The following STK11IP variants were observed in gnomAD, a reference collection of about 807,000 sequenced individuals.
STK11IP encodes serine/threonine-protein kinase 11-interacting protein.
In STK11IP, 103 loss-of-function variants were observed where a neutral mutation model predicts 131.7. The observed-to-expected ratio is 0.78, with a 90% confidence interval of 0.67 to 0.92. The LOEUF is 0.92. Ranked by LOEUF, STK11IP falls within the 40% of genes least tolerant of loss-of-function variation. The pLI, the probability that STK11IP is intolerant of heterozygous loss-of-function variation, is 0.00. For synonymous variants in STK11IP, 557 were observed against 575.6 expected (o/e 0.97, Z 0.46); for missense variants, 1,315 against 1,385.7 (o/e 0.95, Z 0.81).
At position 219,606,514 on chromosome 2, in the gene STK11IP, T is replaced by C; in HGVS notation, c.984T>C (p.Phe328=). Residue 328 remains phenylalanine, a synonymous_variant, in exon 11 of 25, where the codon TTT becomes TTC. Coordinates refer to ENST00000456909, the MANE Select transcript of STK11IP (RefSeq NM_052902.4). Reference sequence around the variant, plus strand: ...GCAAGGTCTTGTCACTGACAGATTTTCAGGTCGGTGTGGTTGGGGGGCGAG... The same window carrying C: ...GCAAGGTCTTGTCACTGACAGATTTCCAGGTCGGTGTGGTTGGGGGGCGAG... ...LDGKVLSLTD[F]QTHTSLGLSP... is the part of the protein sequence containing the mutation. 6 of 1,612,858 alleles carry C rather than the reference T, an allele frequency of 3.7e-6. No homozygotes were observed. Among genetic ancestry groups the C allele is most frequent in the Non-Finnish European group, 5.1e-6 (6 of 1,179,376 alleles).
At position 219,608,325 on chromosome 2, in the gene STK11IP, G is replaced by C. The variant is rs1559182415; in HGVS notation, c.1498G>C (p.Glu500Gln). The C allele has an allele frequency of 6.2e-7, 1 of 1,601,656 alleles. No homozygotes were observed. The highest frequency in any genetic ancestry group is 8.5e-7 in the Non-Finnish European group (1 of 1,174,226). The change falls in exon 14 of 25, where the codon GAG becomes CAG. Residue 500 changes from glutamate to glutamine, a missense_variant. By Grantham distance (29) the Glu-to-Gln change is conservative (BLOSUM62 2). Transcript: ENST00000456909. ...VRAEPQEEEE[E>Q]KEGKEEKEEG... Reference sequence around the variant, plus strand: ...GGCGGAGCCACAGGAGGAGGAAGAGGAGAAGGAGGGGAAGGAGGAGAAGGA... The same window carrying C: ...GGCGGAGCCACAGGAGGAGGAAGAGCAGAAGGAGGGGAAGGAGGAGAAGGA...
rs370263590 is a variant in STK11IP, at chr2:219,602,700, C to G, written c.547-5C>G. On this transcript the variant is annotated splice_region_variant and splice_polypyrimidine_tract_variant and intron_variant, in intron 6 of 24. Transcript: ENST00000456909. ...GATTCTCTGCCTCCTCCCCGTCTCT[C>G]TCAGCGCCTCTTGTCAGCTCTGCGT... 4.3e-6 allele frequency: 7 copies of G among 1,613,444 alleles called. No homozygotes were observed. The highest frequency in any genetic ancestry group is 5.9e-6 in the Non-Finnish European group (7 of 1,179,716).
At chr2:219,598,344 C>G in intron 2 of STK11IP, 164 bp downstream of exon 2, 1 of 550,630 alleles carries the variant, frequency 1.8e-6, no homozygotes, top group African/African-American at 2.0e-5. Flanking sequence ...CTTACAGTGT[C>G]CTTTGCCTGT....
At position 219,602,683 on chromosome 2, in the gene STK11IP, G is replaced by GCCTCCT. The variant is rs1455514242; in HGVS notation, c.547-19_547-14dup. The stretch of plus-strand genomic sequence containing the variant: ...GTATTGTAGTGAACATCGATTCTCT[G>GCCTCCT]CCTCCTCCCCGTCTCTCTCAGCGCC... On this transcript the variant is annotated intron_variant, in intron 6 of 24. Coordinates refer to ENST00000456909, the MANE Select transcript of STK11IP (RefSeq NM_052902.4). 2.5e-6 allele frequency: 4 copies of GCCTCCT among 1,613,496 alleles called. No individual in the cohort carries two copies. In the South Asian group the frequency reaches 4.4e-5, roughly 18 times the overall value.
At chr2:219,610,521 GCCTC>G (rs1698361052) in intron 17 of STK11IP, among the ~76,000 whole-genome samples, 1 of 152,006 alleles carries the variant, frequency 6.6e-6, no homozygotes, top group Non-Finnish European at 1.5e-5. Context: ...TCCTGCCTCA[GCCTC>G]GCAAGTAGCT....
intron 23 of STK11IP, 85 bp downstream of exon 23, chr2:219,614,631 G>T (rs781296736): frequency 7.3e-7 from 1 of 1,369,724 alleles, no homozygotes; most frequent in South Asian, 1.2e-5. Flanking sequence ...CACCTGTACA[G>T]TGCCCTTGCA....
intron 13 of STK11IP, among the ~76,000 whole-genome samples, chr2:219,607,483 G>A (rs1698230938): frequency 6.6e-6 from 1 of 151,730 alleles, no homozygotes; most frequent in Non-Finnish European, 1.5e-5. Context: ...ATAGAGAGAT[G>A]TCCATTTCTA....
In STK11IP at chr2:219,611,944, A is replaced by G. The variant is rs1450733639; in HGVS notation, c.2336-11A>G. On this transcript the variant is annotated splice_polypyrimidine_tract_variant and intron_variant, in intron 18 of 24. Coordinates refer to ENST00000456909, the MANE Select transcript of STK11IP (RefSeq NM_052902.4). The stretch of plus-strand genomic sequence containing the variant: ...GCCATGGGCAGGCTGATGCCCCCTC[A>G]TTGCCCTCAGCCCCTGAGCGCTGTG... The G allele has an allele frequency of 6.3e-7, 1 of 1,586,060 alleles. No individual in the cohort carries two copies. The highest frequency in any genetic ancestry group is 8.6e-7 in the Non-Finnish European group (1 of 1,166,632).
rs781655224 is a variant in STK11IP, at chr2:219,614,547, G to T, written c.2869+1G>T. The T allele has an allele frequency of 3.1e-6, 5 of 1,613,696 alleles. No homozygotes were observed. The African/African-American group carries it at 6.7e-5, about 22-fold the overall frequency. Reference sequence around the variant, plus strand: ...TACCTTCGGGCGTTCCTGGTTGAAGGTGAAGCCTCTGTGCAGCTGATGCTT... The same window carrying T: ...TACCTTCGGGCGTTCCTGGTTGAAGTTGAAGCCTCTGTGCAGCTGATGCTT... On this transcript the variant is annotated splice_donor_variant, in intron 23 of 24. Coordinates refer to ENST00000456909, the MANE Select transcript of STK11IP (RefSeq NM_052902.4). LOFTEE classifies it high-confidence loss of function.
Position 219,616,318 on chromosome 2 carries a change from G to A in STK11IP, c.*125G>A. ...CTTCAGCCTCTGGGTGCTGGCCAGT[G>A]AGGTCCCAAATGACCCAGGGCTTAA... On this transcript the variant is annotated 3_prime_UTR_variant, in exon 25 of 25. Coordinates refer to ENST00000456909, the MANE Select transcript of STK11IP (RefSeq NM_052902.4). 1.5e-6 allele frequency: 2 copies of A among 1,313,164 alleles called. No homozygotes were observed. The highest frequency in any genetic ancestry group is 3.1e-5 in the South Asian group (2 of 65,358). The allele number at this position is 1,313,164 out of a possible 1,614,324, so 81.3% of individuals were successfully genotyped here. A position where few individuals can be genotyped will look rare whatever the true frequency, so the allele number is the denominator to read the frequency against.
chr2:219,608,970 CT>C, intron 15 of STK11IP, 126 bp from the exon 16 acceptor site: 1 of 1,036,766 alleles, frequency 9.6e-7, no homozygotes, highest in Non-Finnish European at 1.4e-6. Context: ...TGTGCTGGAG[CT>C]TGGACGTCAG....
Position 219,608,796 on chromosome 2 carries a change from G to T in STK11IP, c.1809+8G>T. On this transcript the variant is annotated splice_region_variant and intron_variant, in intron 15 of 24. Coordinates refer to ENST00000456909, the MANE Select transcript of STK11IP (RefSeq NM_052902.4). ...AGGTCGCCCAGGCCCACGGTGAGTG[G>T]GGCGTGGCAGGGTCTCTGGAGGAGC... The T allele has an allele frequency of 6.3e-7, 1 of 1,586,560 alleles. No homozygotes were observed.
In STK11IP at chr2:219,613,133, A is replaced by T; in HGVS notation, c.2445A>T (p.Pro815=). 6.2e-7 allele frequency: 1 copy of T among 1,611,614 alleles called. No homozygotes were observed. The highest frequency in any genetic ancestry group is 8.5e-7 in the Non-Finnish European group (1 of 1,179,130). ...QEEFQCCLKV[P]VALAGHTGEF... is the part of the protein sequence containing the mutation. ...CCAACTTCCTCTTCCCCCAGGTGCC[A>T]GTGGCATTGGCAGGCCACACTGGGG... Residue 815 remains proline (P), a synonymous_variant, in exon 20 of 25, where the codon CCA becomes CCT. Transcript: ENST00000456909.
chr2:219,606,499 G>T lies in STK11IP; in HGVS notation c.969G>T (p.Leu323Phe). 1 of 1,612,754 alleles carries T rather than the reference G, an allele frequency of 6.2e-7. No individual in the cohort carries two copies. Among genetic ancestry groups the T allele is most frequent in the East Asian group, 2.2e-5 (1 of 44,866 alleles). The change falls in exon 11 of 25, where the codon TTG becomes TTT. Residue 323 changes from leucine (L) to phenylalanine (F), a missense_variant. Coordinates refer to ENST00000456909, the MANE Select transcript of STK11IP (RefSeq NM_052902.4). The stretch of plus-strand genomic sequence containing the variant: ...AGTTCCTTCTCGATGGCAAGGTCTT[G>T]TCACTGACAGATTTTCAGGTCGGTG... The part of the protein sequence containing the change: ...ATGFLLDGKV[L>F]SLTDFQTHTS...
Position 219,613,850 on chromosome 2 carries a change from A to G in STK11IP, c.2636A>G (p.Glu879Gly). The G allele has an allele frequency of 6.2e-7, 1 of 1,611,594 alleles. No homozygotes were observed. ...CTGGCAGGCCAGAGCCTGCGGCTAG[A>G]GTGGGCAGCTGGGGCGGGCCGCTGT... ...LGLAGQSLRL[E>G]WAAGAGRCVL... is the part of the protein sequence containing the mutation. Residue 879 changes from glutamate (E) to glycine (G), a missense_variant, in exon 21 of 25, where the codon GAG becomes GGG. Transcript: ENST00000456909.
chr2:219,606,705 G>T lies in STK11IP; in HGVS notation c.988-7G>T, dbSNP rs1040934771. 4 of 1,605,682 alleles carry T rather than the reference G, an allele frequency of 2.5e-6. No homozygotes were observed. Among genetic ancestry groups the T allele is most frequent in the Non-Finnish European group, 2.6e-6 (3 of 1,174,856 alleles). ...ACCTCTCTCTCCTTCCTGTCGTCAC[G>T]TGCCAGACTCACACATCCTTGGGGC... On this transcript the variant is annotated splice_region_variant and splice_polypyrimidine_tract_variant and intron_variant, in intron 11 of 24. Coordinates refer to ENST00000456909, the MANE Select transcript of STK11IP (RefSeq NM_052902.4).
chr2:219,609,806 A>G, intron 17 of STK11IP: 1 of 397,952 alleles, frequency 2.5e-6, no homozygotes, highest in South Asian at 2.7e-5. Context: ...GTGCTTAAAC[A>G]TACTCATTAT....
At chr2:219,614,612 C>T (rs761923317) in intron 23 of STK11IP, 66 bp downstream of exon 23, 63 of 1,491,698 alleles carry the variant, frequency 4.2e-5, no homozygotes, top group Non-Finnish European at 5.5e-5. Context: ...GGCACTGGCC[C>T]ACGCGCAGCA....
At chr2:219,599,823 T>C (rs1697920962) in intron 2 of STK11IP, among the ~76,000 whole-genome samples, 2 of 150,890 alleles carry the variant, frequency 1.3e-5, no homozygotes, top group African/African-American at 4.9e-5. Context: ...AACCCCTGCC[T>C]CCCTCCCAGG....
Sources: gnomAD v4.1 joint callset for allele counts (sites outside exome capture counted in the v4.1 genomes callset) on GRCh38, gnomAD v4.1.1 for gene constraint, MANE v1.5 for transcripts, NCBI Gene and HGNC (gene_info 2026-07-23, HGNC 2026-07-21) for gene names.